NUP214: variants seen among roughly 807,000 people sequenced by gnomAD.
NUP214 encodes the protein nucleoporin 214.
Under a neutral mutation model 196.2 loss-of-function variants are expected in NUP214, and 79 were observed. That is an observed-to-expected ratio of 0.40 (90% confidence interval 0.34 to 0.49). The LOEUF is 0.49. Among genes scored for constraint, NUP214 ranks in the 20% least tolerant of loss-of-function variants. The pLI, the probability that NUP214 is intolerant of heterozygous loss-of-function variation, is 0.58. For synonymous variants in NUP214, 1,020 were observed against 990.5 expected, an observed-to-expected ratio of 1.03 and a Z score of -0.56; for missense variants, 2,468 against 2,539.0, an observed-to-expected ratio of 0.97 and a Z score of 0.60.
In NUP214 at chr9:131,152,919, G is replaced by T. The variant is rs7023246; in HGVS notation, c.2436+1025G>T. Among the ~76,000 whole-genome samples the T allele has an allele frequency of 4.9e-3, 753 of 152,140 alleles. 12 individuals carry two copies. Among genetic ancestry groups the T allele is most frequent in the African/African-American group, 0.017 (719 of 41,496 alleles). On this transcript the variant is annotated intron_variant, in intron 17 of 35. Transcript: ENST00000359428. ...GCCTCCCACATAGTTGGGAGTACAG[G>T]TGTGTGCCACCACACCCAGCTGATT...
chr9:131,224,499 C>T (rs1834672245), intron 32 of NUP214, among the ~76,000 whole-genome samples: 1 of 152,142 alleles, frequency 6.6e-6, no homozygotes, highest in Admixed American at 6.5e-5. Context: ...GCAGGGGATG[C>T]TCTGAAATAT....
At position 131,146,294 on chromosome 9, in the gene NUP214, C is replaced by T. The variant is rs779372561; in HGVS notation, c.1935C>T (p.Pro645=). 3 of 1,614,122 alleles carry T rather than the reference C, an allele frequency of 1.9e-6. No homozygotes were observed. Among genetic ancestry groups the T allele is most frequent in the South Asian group, 1.1e-5 (1 of 91,082 alleles). ...SSVPLKSSVL[P]SPSGRSAQGS... ...TGCCATTGAAGTCCTCAGTCTTGCC[C>T]TCACCATCAGGTATGATTTTAAGCA... Residue 645 remains proline, a synonymous_variant, in exon 13 of 36, where the codon CCC becomes CCT. Transcript: ENST00000359428. The surrounding 1 kb of genome is among the most constrained non-coding windows in gnomAD (Gnocchi z 4.6).
intron 8 of NUP214, 67 bp from the exon 9 acceptor site, chr9:131,135,873 C>A: frequency 3.9e-6 from 5 of 1,296,750 alleles, no homozygotes; most frequent in Non-Finnish European, 5.5e-6. Flanking sequence ...GTGTTACCTG[C>A]AGACCCAGGT....
At chr9:131,130,966 A>G (rs1588121490) in intron 5 of NUP214, 130 bp downstream of exon 5, 2 of 686,180 alleles carry the variant, frequency 2.9e-6, no homozygotes, top group Admixed American at 5.0e-5. Flanking sequence ...CCATCAGTGA[A>G]TGAAGAGTGG....
intron 8 of NUP214, chr9:131,135,387 C>T (rs550904860): frequency 7.3e-5 from 14 of 191,590 alleles, no homozygotes; most frequent in African/African-American, 2.6e-4. Context: ...TTTTCCATTA[C>T]AGAGGAAAAT....
intron 32 of NUP214, among the ~76,000 whole-genome samples, chr9:131,225,902 G>A (rs1455840154): frequency 1.3e-5 from 2 of 152,214 alleles, no homozygotes; most frequent in South Asian, 2.1e-4. Context: ...CATCCGGGGA[G>A]AGGACAGGAG....
chr9:131,220,757 T>TA (rs1834535173), intron 31 of NUP214, among the ~76,000 whole-genome samples: 1 of 152,198 alleles, frequency 6.6e-6, no homozygotes, highest in African/African-American at 2.4e-5. Flanking sequence ...ACACAGCTAT[T>TA]AGGTAATCTC....
chr9:131,208,147 G>A (rs186181921), intron 30 of NUP214, among the ~76,000 whole-genome samples: 9 of 152,316 alleles, frequency 5.9e-5, no homozygotes, highest in East Asian at 1.9e-4. Context: ...AAATTGTGCA[G>A]CTACTATAGT....
At chr9:131,169,255 C>T (rs927671648) in intron 21 of NUP214, among the ~76,000 whole-genome samples, 2 of 151,908 alleles carry the variant, frequency 1.3e-5, no homozygotes, top group Non-Finnish European at 2.9e-5. Context: ...AGGATGGTCT[C>T]GATCTCCTGA....
In NUP214 at chr9:131,178,494, G is replaced by A. The variant is rs531740653; in HGVS notation, c.3419+84G>A. On this transcript the variant is annotated intron_variant, in intron 24 of 35. Transcript: ENST00000359428. ...GCCTGCAGGGAGCAGCAGTGCCACT[G>A]TCACAGTCTGGTTTTCCTGCACCGC... 1.7e-4 allele frequency: 166 copies of A among 968,058 alleles called. 6 individuals carry two copies. In the South Asian group the frequency reaches 2.3e-3, roughly 14 times the overall value. The allele number at this position is 968,058 out of a possible 1,614,324, so 60.0% of individuals were successfully genotyped here. A position where few individuals can be genotyped will look rare whatever the true frequency, so the allele number is the denominator to read the frequency against.
chr9:131,219,332 G>A (rs192708651), intron 31 of NUP214, among the ~76,000 whole-genome samples: 3 of 152,294 alleles, frequency 2.0e-5, no homozygotes, highest in East Asian at 1.9e-4. Flanking sequence ...TCCCAGGTAC[G>A]CCTTTTTGGG....
At chr9:131,179,901 A>G (rs926758204) in intron 24 of NUP214, among the ~76,000 whole-genome samples, 3 of 152,232 alleles carry the variant, frequency 2.0e-5, no homozygotes, top group African/African-American at 4.8e-5. Context: ...GAGTTTGGGA[A>G]TTGTAGCCAG....
chr9:131,171,993 G>A (rs1277870143), intron 21 of NUP214, among the ~76,000 whole-genome samples: 2 of 152,094 alleles, frequency 1.3e-5, no homozygotes, highest in Non-Finnish European at 2.9e-5. Context: ...TTGCTATTGT[G>A]AATAGTGCCG....
In NUP214 at chr9:131,197,289, T is replaced by C; in HGVS notation, c.3795T>C (p.Tyr1265=). The C allele has an allele frequency of 3.1e-6, 5 of 1,614,204 alleles. No individual in the cohort carries two copies. The highest frequency in any genetic ancestry group is 4.2e-6 in the Non-Finnish European group (5 of 1,180,022). Reference sequence around the variant, plus strand: ...CTGGTGGGGGAAGCAAACCTTCTTATGAGGCCATTCCTGAAAGCTCACCTC... The same window carrying C: ...CTGGTGGGGGAAGCAAACCTTCTTACGAGGCCATTCCTGAAAGCTCACCTC... ...FSSGGGSKPS[Y]EAIPESSPPS... The change falls in exon 29 of 36, where the codon TAT becomes TAC. Residue 1265 remains tyrosine (Y), a synonymous_variant. Transcript: ENST00000359428.
chr9:131,199,104 G>A lies in NUP214; in HGVS notation c.5521+89G>A, dbSNP rs139553425. The A allele has an allele frequency of 1.2e-3, 1,752 of 1,472,028 alleles. 10 individuals are homozygous for A. The highest frequency in any genetic ancestry group is 1.1e-3 in the Non-Finnish European group (1,166 of 1,101,126). 91.2% of individuals were successfully genotyped at this position (1,472,028 alleles called of 1,614,324 possible). On this transcript the variant is annotated intron_variant, in intron 29 of 35. Coordinates refer to ENST00000359428, the MANE Select transcript of NUP214 (RefSeq NM_005085.4). Reference sequence around the variant, plus strand: ...CCCCTATTACTTTTGTAATTAAAGGGGAGACTCAAAACCCAAAAATAATCT... The same window carrying A: ...CCCCTATTACTTTTGTAATTAAAGGAGAGACTCAAAACCCAAAAATAATCT...
intron 17 of NUP214, among the ~76,000 whole-genome samples, chr9:131,157,459 G>GTTTTTTTTT (rs146677149): frequency 2.7e-5 from 2 of 74,692 alleles, no homozygotes; most frequent in Non-Finnish European, 4.9e-5. Context: ...TGTGTCTGGC[G>GTTTTTTTTT]TTTTTTTTTT....
intron 30 of NUP214, among the ~76,000 whole-genome samples, chr9:131,206,334 A>C (rs934651694): frequency 6.7e-6 from 1 of 149,636 alleles, no homozygotes; most frequent in African/African-American, 2.5e-5. Context: ...TTTTGTAGAG[A>C]CGGGGTTTCA....
At chr9:131,148,638 G>T (rs1340773367) in intron 14 of NUP214, among the ~76,000 whole-genome samples, 1 of 152,086 alleles carries the variant, frequency 6.6e-6, no homozygotes, top group Non-Finnish European at 1.5e-5. Flanking sequence ...TTTCTCTAAT[G>T]ATTAGCAAAA....
chr9:131,222,600 G>C, intron 31 of NUP214, 178 bp from the exon 32 acceptor site: 1 of 571,616 alleles, frequency 1.7e-6, no homozygotes, highest in Non-Finnish European at 2.9e-6. Flanking sequence ...TTCCCAGCAA[G>C]GTGCGTGAAA....
Sources: gnomAD v4.1 joint callset for allele counts (sites outside exome capture counted in the v4.1 genomes callset) on GRCh38, gnomAD v4.1.1 for gene constraint, Gnocchi (gnomAD v3.1) non-coding constraint, MANE v1.5 for transcripts, NCBI Gene and HGNC (gene_info 2026-07-23, HGNC 2026-07-21) for gene names.